The following TRAF1 variants were observed in gnomAD, a reference collection of about 807,000 sequenced individuals.
The protein encoded by TRAF1 is TNF receptor-associated factor 1.
TRAF1 carries 23 observed loss-of-function variants against 40.9 expected under a neutral mutation model. The ratio of observed to expected loss-of-function variants is 0.56; its 90% CI spans 0.40 to 0.80. The LOEUF is 0.80. TRAF1 is among the 30% of genes least tolerant of loss of function. The pLI, the probability that TRAF1 is intolerant of heterozygous loss-of-function variation, is 0.00. For synonymous variants in TRAF1, 206 were observed against 218.8 expected, an observed-to-expected ratio of 0.94 and a Z score of 0.52; for missense variants, 477 against 528.7, an observed-to-expected ratio of 0.90 and a Z score of 0.96.
chr9:120,926,084 TC>T lies in TRAF1; in HGVS notation c.-10del, dbSNP rs748498207. 1.9e-6 allele frequency: 3 copies of T among 1,569,658 alleles called. No homozygotes were observed. Among genetic ancestry groups the T allele is most frequent in the Non-Finnish European group, 2.6e-6 (3 of 1,159,146 alleles). On this transcript the variant is annotated 5_prime_UTR_variant, in exon 2 of 8. Coordinates refer to ENST00000373887, the MANE Select transcript of TRAF1 (RefSeq NM_005658.5). ...CCTGAGCTGGAGGCCATCTCAGGGT[TC>T]CAGGCTGGCCAGAGGGCCTGTTTAA...
At chr9:120,918,106 G>A (rs1216499154) in intron 3 of TRAF1, among the ~76,000 whole-genome samples, 3 of 152,120 alleles carry the variant, frequency 2.0e-5, no homozygotes, top group South Asian at 2.1e-4. Context: ...AAACCAACTC[G>A]CCAATACCGT....
intron 7 of TRAF1, among the ~76,000 whole-genome samples, chr9:120,907,296 CA>C (rs1375327509): frequency 1.3e-5 from 2 of 152,178 alleles, no homozygotes; most frequent in East Asian, 3.8e-4. Flanking sequence ...CTTGATAGCT[CA>C]TTTCTTTTTA....
chr9:120,923,364 C>T (rs1245420156), intron 3 of TRAF1, among the ~76,000 whole-genome samples: 2 of 152,168 alleles, frequency 1.3e-5, no homozygotes, highest in Non-Finnish European at 2.9e-5. Flanking sequence ...GGTCATTATG[C>T]ATGGCCTATC....
At chr9:120,912,856 G>A (rs945652268) in intron 5 of TRAF1, among the ~76,000 whole-genome samples, 4 of 152,170 alleles carry the variant, frequency 2.6e-5, no homozygotes, top group Admixed American at 1.3e-4. Context: ...TGAGGAAGAC[G>A]TGAAGGCGCT....
chr9:120,904,595 G>C lies in TRAF1; in HGVS notation c.*425C>G, dbSNP rs2046464766. The C allele has an allele frequency of 5.3e-6, 1 of 188,742 alleles. No individual in the cohort carries two copies. Among genetic ancestry groups the C allele is most frequent in the African/African-American group, 2.4e-5 (1 of 42,482 alleles). The allele number at this position is 188,742 out of a possible 1,614,324, so 11.7% of individuals were successfully genotyped here. A position where few individuals can be genotyped will look rare whatever the true frequency, so the allele number is the denominator to read the frequency against. Reference sequence around the variant, plus strand: ...CCACCCGGTCCTGTTTCTGACCCTGGAGAAAAAGAGAGCAGGCCTGTGTCC... The same window carrying C: ...CCACCCGGTCCTGTTTCTGACCCTGCAGAAAAAGAGAGCAGGCCTGTGTCC... On this transcript the variant is annotated 3_prime_UTR_variant, in exon 8 of 8. Coordinates refer to ENST00000373887, the MANE Select transcript of TRAF1 (RefSeq NM_005658.5).
At chr9:120,918,499 G>A (rs1023816901) in intron 3 of TRAF1, among the ~76,000 whole-genome samples, 5 of 151,668 alleles carry the variant, frequency 3.3e-5, no homozygotes, top group Non-Finnish European at 7.4e-5. Flanking sequence ...GCACTGCCCC[G>A]GGACATCTCC....
chr9:120,909,429 T>A (rs1381986116), intron 6 of TRAF1, 51 bp from the exon 7 acceptor site: 10 of 1,595,540 alleles, frequency 6.3e-6, no homozygotes, highest in South Asian at 3.3e-5. Flanking sequence ...TTTGCAGATG[T>A]GGGACTGGGA....
In TRAF1 at chr9:120,913,738, C is replaced by T; in HGVS notation, c.295G>A (p.Gly99Arg). The change falls in exon 5 of 8, where the codon GGA (glycine) becomes AGA (arginine). Residue 99 changes from glycine (G) to arginine (R), a missense_variant and splice_region_variant. Physicochemically the swap from Gly to Arg is moderately radical, Grantham distance 125. Transcript: ENST00000373887. ...PFAGVGCSFK[G>R]SPQSVQEHEV... ...TGCTCTTGCACAGACTGTGGGCTTC[C>T]CTGACAAGAGAGTGGGGCTGATCAG... 1 of 1,560,414 alleles carries T rather than the reference C, an allele frequency of 6.4e-7. No individual in the cohort carries two copies. Among genetic ancestry groups the T allele is most frequent in the Admixed American group, 1.9e-5 (1 of 53,700 alleles).
At chr9:120,928,383 A>C (rs2046654264), upstream of TRAF1, 1 of 152,298 alleles carries the variant, frequency 6.6e-6, no homozygotes, top group African/African-American at 2.4e-5. Context: ...GTGTATACGC[A>C]TGTCGGGGAC....
chr9:120,913,184 A>T, intron 5 of TRAF1, 144 bp downstream of exon 5: 1 of 1,061,228 alleles, frequency 9.4e-7, no homozygotes, highest in Admixed American at 2.9e-5. Context: ...CTCTTCCTGG[A>T]AGGGTGTGGG....
chr9:120,903,494 G>A lies in TRAF1; in HGVS notation c.*1526C>T, dbSNP rs933109959. Reference sequence around the variant, plus strand: ...ATGCTGGGCTGGAGAGAACAGGAAGGGCTACTGACCCATTTTTATAGAAGC... The same window carrying A: ...ATGCTGGGCTGGAGAGAACAGGAAGAGCTACTGACCCATTTTTATAGAAGC... On this transcript the variant is annotated 3_prime_UTR_variant, in exon 8 of 8. Coordinates refer to ENST00000373887, the MANE Select transcript of TRAF1 (RefSeq NM_005658.5). The A allele has an allele frequency of 2.0e-5, 3 of 152,268 alleles. No homozygotes were observed. The highest frequency in any genetic ancestry group is 4.8e-5 in the African/African-American group (2 of 41,446). The allele number at this position is 152,268 out of a possible 1,614,324, so 9.4% of individuals were successfully genotyped here.
At chr9:120,914,183 G>A (rs1261037656) in intron 4 of TRAF1, 52 bp downstream of exon 4, 3 of 1,399,572 alleles carry the variant, frequency 2.1e-6, no homozygotes, top group Non-Finnish European at 2.8e-6. Flanking sequence ...GGGAGACCTG[G>A]AGGTCTGGAA....
At chr9:120,922,525 A>G (rs2046611938) in intron 3 of TRAF1, among the ~76,000 whole-genome samples, 2 of 152,342 alleles carry the variant, frequency 1.3e-5, no homozygotes, top group South Asian at 4.1e-4. Context: ...ACCTCTGAGC[A>G]GGACATGTAA....
rs1323394699 is a variant in TRAF1, at chr9:120,913,560, C to CCCG, written c.470_472dup (p.Ala157dup). On this transcript the variant is annotated inframe_insertion, in exon 5 of 8. Coordinates refer to ENST00000373887, the MANE Select transcript of TRAF1 (RefSeq NM_005658.5). ...CCGGTAGCAATCGACCTCCAGGTCC[C>CCCG]CCGCCACTTCCACGGCTGCCTGCAG... 6.2e-7 allele frequency: 1 copy of CCCG among 1,613,948 alleles called. No homozygotes were observed. The highest frequency in any genetic ancestry group is 8.5e-7 in the Non-Finnish European group (1 of 1,179,976).
At chr9:120,907,157 C>A (rs1463314413) in intron 7 of TRAF1, among the ~76,000 whole-genome samples, 1 of 152,196 alleles carries the variant, frequency 6.6e-6, no homozygotes, top group African/African-American at 2.4e-5. Flanking sequence ...CCTCTGTGCC[C>A]GGCCTATCTT....
rs891548254 is a variant in TRAF1 at position 120,905,044 on chromosome 9, C to T, written c.1227G>A (p.Lys409=). The change falls in exon 8 of 8, where the codon AAG becomes AAA. Residue 409 remains lysine, a synonymous_variant. Transcript: ENST00000373887. ...CCTAAGTGCTGGTCTCCACAATGCA[C>T]TTGAGGAACATTGTGTCGTCCTTCA... is the stretch of plus-strand genomic sequence containing the variant. ...AYVKDDTMFL[K]CIVETST The T allele has an allele frequency of 3.1e-6, 5 of 1,614,196 alleles. No individual in the cohort carries two copies. The highest frequency in any genetic ancestry group is 4.2e-6 in the Non-Finnish European group (5 of 1,180,038).
chr9:120,914,167 G>T, intron 4 of TRAF1, 68 bp downstream of exon 4: 1 of 1,313,714 alleles, frequency 7.6e-7, no homozygotes, highest in Non-Finnish European at 1.0e-6. Flanking sequence ...TGGAGGGGCT[G>T]CAGTGGGGAG....
rs992164986 is a variant in TRAF1 at position 120,903,359 on chromosome 9, G to A, written c.*1661C>T. 2.0e-5 allele frequency: 3 copies of A among 152,280 alleles called. No homozygotes were observed. The highest frequency in any genetic ancestry group is 4.4e-5 in the Non-Finnish European group (3 of 68,086). The allele number at this position is 152,280 out of a possible 1,614,324, so 9.4% of individuals were successfully genotyped here. On this transcript the variant is annotated 3_prime_UTR_variant, in exon 8 of 8. Coordinates refer to ENST00000373887, the MANE Select transcript of TRAF1 (RefSeq NM_005658.5). Reference sequence around the variant, plus strand: ...GAGAGGCTTCCTCTGATCTTCAGCTGAAGGACTAAGCATGACAGGATGCCA... The same window carrying A: ...GAGAGGCTTCCTCTGATCTTCAGCTAAAGGACTAAGCATGACAGGATGCCA...
intron 7 of TRAF1, among the ~76,000 whole-genome samples, chr9:120,906,567 GC>G (rs1221783412): frequency 6.6e-6 from 1 of 151,972 alleles, no homozygotes; most frequent in African/African-American, 2.4e-5. Context: ...TATACCTCCT[GC>G]CCCCACCCAG....
Sources: gnomAD v4.1 joint callset for allele counts (sites outside exome capture counted in the v4.1 genomes callset) on GRCh38, gnomAD v4.1.1 for gene constraint, MANE v1.5 for transcripts, NCBI Gene and HGNC (gene_info 2026-07-23, HGNC 2026-07-21) for gene names.